Variants in TNR observed in about 807,000 individuals in gnomAD.
The protein encoded by TNR is tenascin R, also known as tenascin-R.
In TNR, 45 loss-of-function variants were observed where a neutral mutation model predicts 150.4. The observed-to-expected ratio is 0.30, with a 90% CI of 0.24 to 0.38. The LOEUF is 0.38. Ranked by LOEUF, TNR falls within the 10% of genes least tolerant of loss-of-function variation. The probability of loss-of-function intolerance (pLI) is 1.00; values close to 1 mark genes in which losing one functional copy is unlikely to be tolerated. For synonymous variants in TNR, 687 were observed against 678.4 expected, an observed-to-expected ratio of 1.01 and a Z score of -0.20; for missense variants, 1,544 against 1,759.1, an observed-to-expected ratio of 0.88 and a Z score of 2.19.
At chr1:175,654,138 C>T (rs935984313) in intron 1 of TNR, among the ~76,000 whole-genome samples, 5 of 152,164 alleles carry the variant, frequency 3.3e-5, no homozygotes, top group African/African-American at 1.2e-4. Flanking sequence ...TCCTCAATGG[C>T]TTTAGAGTAT....
intron 1 of TNR, among the ~76,000 whole-genome samples, chr1:175,693,088 GACAA>G (rs1442104839): frequency 6.6e-6 from 1 of 152,184 alleles, no homozygotes; most frequent in African/African-American, 2.4e-5. Flanking sequence ...CTACAAACAT[GACAA>G]ACAGTTGTAA....
At chr1:175,402,783 G>C (rs1653774354) in intron 4 of TNR, among the ~76,000 whole-genome samples, 2 of 152,266 alleles carry the variant, frequency 1.3e-5, no homozygotes, top group East Asian at 1.9e-4. Flanking sequence ...CTCAGAGTTA[G>C]AGAATGGCCT....
At chr1:175,406,195 C>T (rs1653950962) in intron 3 of TNR, 21 bp downstream of exon 3, 1 of 1,606,320 alleles carries the variant, frequency 6.2e-7, no homozygotes, top group Non-Finnish European at 8.5e-7. Flanking sequence ...TGAGACCACG[C>T]TGCGAGCTCC....
In TNR at chr1:175,324,476, C is replaced by T; in HGVS notation, c.3837G>A (p.Glu1279=). The T allele has an allele frequency of 6.2e-7, 1 of 1,614,130 alleles. No individual in the cohort carries two copies. Among genetic ancestry groups the T allele is most frequent in the Non-Finnish European group, 8.5e-7 (1 of 1,179,998 alleles). The change falls in exon 22 of 23, where the codon GAG becomes GAA. Residue 1279 remains glutamate, a synonymous_variant. Coordinates refer to ENST00000367674, the MANE Select transcript of TNR (RefSeq NM_003285.3). Reference sequence around the variant, plus strand: ...TCACTGCAACATCATTGTCTCTATCCTCTGTGGAGAAAGGGCGTCCTTGAT... The same window carrying T: ...TCACTGCAACATCATTGTCTCTATCTTCTGTGGAGAAAGGGCGTCCTTGAT... The part of the protein sequence containing the change: ...SYHQGRPFST[E]DRDNDVAVTN...
chr1:175,710,091 T>G (rs1283406691), intron 1 of TNR, among the ~76,000 whole-genome samples: 1 of 152,082 alleles, frequency 6.6e-6, no homozygotes, highest in Non-Finnish European at 1.5e-5. Flanking sequence ...TAGGTTATGT[T>G]AAAATAAGTA....
At chr1:175,497,911 T>C (rs1321909508) in intron 2 of TNR, among the ~76,000 whole-genome samples, 1 of 151,838 alleles carries the variant, frequency 6.6e-6, no homozygotes, top group Non-Finnish European at 1.5e-5. Flanking sequence ...AGTAGAAAAA[T>C]TAGCTGGGCG....
intron 1 of TNR, among the ~76,000 whole-genome samples, chr1:175,732,772 G>C (rs1294317204): frequency 6.6e-6 from 1 of 152,208 alleles, no homozygotes; most frequent in Admixed American, 6.5e-5. Context: ...TGTAAACTTT[G>C]TGTCTTGGTT....
chr1:175,569,801 C>G (rs1440970239), intron 1 of TNR, among the ~76,000 whole-genome samples: 1 of 152,156 alleles, frequency 6.6e-6, no homozygotes, highest in African/African-American at 2.4e-5. Context: ...TGATTCTTAT[C>G]GGGCAGGCAG....
chr1:175,709,022 CATG>C (rs1415409812), intron 1 of TNR, among the ~76,000 whole-genome samples: 1 of 149,978 alleles, frequency 6.7e-6, no homozygotes, highest in African/African-American at 2.5e-5. Context: ...ACGACAGCTC[CATG>C]ATATTGGTGT....
intron 1 of TNR, among the ~76,000 whole-genome samples, chr1:175,716,154 C>T (rs931595254): frequency 6.6e-6 from 1 of 152,208 alleles, no homozygotes; most frequent in Non-Finnish European, 1.5e-5. Flanking sequence ...CCCACCTGAG[C>T]CCTCTGGTCT....
intron 1 of TNR, among the ~76,000 whole-genome samples, chr1:175,590,223 C>A (rs1191028799): frequency 6.6e-6 from 1 of 152,014 alleles, no homozygotes; most frequent in Non-Finnish European, 1.5e-5. Context: ...TATTTGCTTA[C>A]CTGTAGTAGT....
intron 2 of TNR, among the ~76,000 whole-genome samples, chr1:175,475,092 C>A (rs1449637209): frequency 6.6e-6 from 1 of 152,186 alleles, no homozygotes; most frequent in African/African-American, 2.4e-5. Context: ...CCTGGATGTC[C>A]AGTGAGCTCT....
intron 1 of TNR, among the ~76,000 whole-genome samples, chr1:175,573,471 A>C (rs1661971188): frequency 6.6e-6 from 1 of 152,190 alleles, no homozygotes; most frequent in South Asian, 2.1e-4. Context: ...AGTAAGATGG[A>C]AAGAAGTAAC....
intron 1 of TNR, among the ~76,000 whole-genome samples, chr1:175,612,839 C>A (rs1663638721): frequency 6.6e-6 from 1 of 152,174 alleles, no homozygotes; most frequent in Non-Finnish European, 1.5e-5. Flanking sequence ...CATTAGTGAA[C>A]TTGATTCCAA....
intron 1 of TNR, among the ~76,000 whole-genome samples, chr1:175,656,177 TGTGTGTGTG>T (rs1665169533): frequency 4.0e-5 from 6 of 150,374 alleles, no homozygotes; most frequent in African/African-American, 1.2e-4. Context: ...TGTGTGTGTG[TGTGTGTGTG>T]TGTGTATGTG....
At chr1:175,605,089 G>A (rs1448618109) in intron 1 of TNR, among the ~76,000 whole-genome samples, 2 of 152,144 alleles carry the variant, frequency 1.3e-5, no homozygotes, top group African/African-American at 2.4e-5. Context: ...GGCAGCATAG[G>A]GAAGGATGAT....
At chr1:175,344,976 C>G (rs377471977) in intron 18 of TNR, among the ~76,000 whole-genome samples, 13 of 151,940 alleles carry the variant, frequency 8.6e-5, no homozygotes, top group Middle Eastern at 3.4e-3. Context: ...GGCGTAGTGG[C>G]GGGTGCCTGT....
At chr1:175,626,432 ATCCTCTCTCTT>A (rs1664160200) in intron 1 of TNR, among the ~76,000 whole-genome samples, 1 of 152,100 alleles carries the variant, frequency 6.6e-6, no homozygotes, top group South Asian at 2.1e-4. Context: ...CTGAGCTGCT[ATCCTCTCTCTT>A]CTGCCTTCTG....
intron 1 of TNR, among the ~76,000 whole-genome samples, chr1:175,722,830 C>T (rs746879160): frequency 1.4e-5 from 2 of 141,838 alleles, no homozygotes; most frequent in African/African-American, 2.7e-5. Context: ...CTTACTCTGT[C>T]GCCCAGGCTG....
Sources: gnomAD v4.1 joint callset for allele counts (sites outside exome capture counted in the v4.1 genomes callset) on GRCh38, gnomAD v4.1.1 for gene constraint, MANE v1.5 for transcripts, NCBI Gene and HGNC (gene_info 2026-07-23, HGNC 2026-07-21) for gene names.